Variants in ZFR2 observed in about 807,000 individuals in gnomAD.
ZFR2 encodes zinc finger RNA binding protein 2.
ZFR2 carries 104 observed loss-of-function variants against 105.7 expected under a neutral mutation model. That is an observed-to-expected ratio of 0.98 (90% confidence interval 0.84 to 1.16). The LOEUF (loss-of-function observed/expected upper bound fraction) is 1.16, where lower values mean the gene tolerates loss of function less well. Ranked by LOEUF, ZFR2 falls within the 50% of genes most tolerant of loss-of-function variation. The pLI is 0.00. For synonymous variants in ZFR2, 634 were observed against 597.7 expected, an observed-to-expected ratio of 1.06 and a Z score of -0.89; for missense variants, 1,425 against 1,355.5, an observed-to-expected ratio of 1.05 and a Z score of -0.80.
chr19:3,809,409 G>C (rs1224368178), intron 16 of ZFR2, among the ~76,000 whole-genome samples: 2 of 152,142 alleles, frequency 1.3e-5, no homozygotes, highest in Non-Finnish European at 2.9e-5. Context: ...CGCCTCAGCT[G>C]AGGGGAAGGA....
chr19:3,858,822 A>C lies in ZFR2; in HGVS notation c.53+10143T>G, dbSNP rs2038337465. Among the ~76,000 whole-genome samples, 1 of 152,258 alleles carries C rather than the reference A, an allele frequency of 6.6e-6. No homozygotes were observed. Among genetic ancestry groups the C allele is most frequent in the African/African-American group, 2.4e-5 (1 of 41,468 alleles). ...GACAGAGTGAGACTCCGTCTCAAAA[A>C]GAAAAAACTAAAATAATTAAAAACA... On this transcript the variant is annotated intron_variant, in intron 1 of 18. Coordinates refer to ENST00000262961, the MANE Select transcript of ZFR2 (RefSeq NM_015174.2). The surrounding 1 kb of genome is among the most constrained non-coding windows in gnomAD (Gnocchi z 4.3).
chr19:3,852,231 C>T, intron 1 of ZFR2: 1 of 539,088 alleles, frequency 1.9e-6, no homozygotes, highest in South Asian at 2.1e-5. Context: ...AGAGGTGGGG[C>T]TCAGCTGGAT....
chr19:3,845,054 G>T (rs1320575509), intron 1 of ZFR2, among the ~76,000 whole-genome samples: 3 of 152,144 alleles, frequency 2.0e-5, no homozygotes, highest in African/African-American at 4.8e-5. Flanking sequence ...CTAGATCCAG[G>T]TGTCAGCAGG....
rs903573156 is a variant in ZFR2 at position 3,823,604 on chromosome 19, C to T, written c.1214-201G>A. Among the ~76,000 whole-genome samples, 1 of 152,110 alleles carries T rather than the reference C, an allele frequency of 6.6e-6. No individual in the cohort carries two copies. Among genetic ancestry groups the T allele is most frequent in the Admixed American group, 6.6e-5 (1 of 15,266 alleles). ...CCTGCGTGTGACCCAGCCAAGAAAC[C>T]GAGGCCAATTTCAATCCATCCGGGG... On this transcript the variant is annotated intron_variant, in intron 7 of 18. Transcript: ENST00000262961. This position sits in a 1 kb window ranked among gnomAD's most constrained non-coding sequence, Gnocchi z 5.4.
intron 1 of ZFR2, among the ~76,000 whole-genome samples, chr19:3,864,727 T>C (rs2038411048): frequency 6.6e-6 from 1 of 151,978 alleles, no homozygotes. Context: ...TTTTCTTTTC[T>C]CTCTTCTCTT....
chr19:3,834,697 G>T lies in ZFR2; in HGVS notation c.264+76C>A. On this transcript the variant is annotated intron_variant, in intron 2 of 18. Transcript: ENST00000262961. The surrounding 1 kb of genome is among the most constrained non-coding windows in gnomAD (Gnocchi z 5.3). Reference sequence around the variant, plus strand: ...GAGGCCTGGGAGAAGGAGTAGCTGTGGGAAGCCCACCGCTCTCACCCATGC... The same window carrying T: ...GAGGCCTGGGAGAAGGAGTAGCTGTTGGAAGCCCACCGCTCTCACCCATGC... 1.4e-6 allele frequency: 2 copies of T among 1,449,198 alleles called. No homozygotes were observed. Among genetic ancestry groups the T allele is most frequent in the Non-Finnish European group, 9.5e-7 (1 of 1,053,696 alleles). 89.8% of individuals were successfully genotyped at this position (1,449,198 alleles called of 1,614,324 possible). A position where few individuals can be genotyped will look rare whatever the true frequency, so the allele number is the denominator to read the frequency against.
rs909952407 is a variant in ZFR2, at chr19:3,858,195, G to A, written c.53+10770C>T. On this transcript the variant is annotated intron_variant, in intron 1 of 18. Transcript: ENST00000262961. The surrounding 1 kb of genome is among the most constrained non-coding windows in gnomAD (Gnocchi z 4.3). The stretch of plus-strand genomic sequence containing the variant: ...GAATGGGCCCATCTGAGCTGCCCAC[G>A]TCACCTGGCCCAGAGCTCTTTCTGT... Among the ~76,000 whole-genome samples the A allele has an allele frequency of 1.3e-5, 2 of 152,128 alleles. No individual in the cohort carries two copies. Among genetic ancestry groups the A allele is most frequent in the South Asian group, 2.1e-4 (1 of 4,834 alleles).
chr19:3,860,974 G>A (rs559610797), intron 1 of ZFR2, among the ~76,000 whole-genome samples: 1 of 152,160 alleles, frequency 6.6e-6, no homozygotes, highest in South Asian at 2.1e-4. Context: ...CTCAACCAAC[G>A]ACACTCAAAA....
At chr19:3,832,807 T>C (rs1341055346) in intron 3 of ZFR2, among the ~76,000 whole-genome samples, 2 of 151,726 alleles carry the variant, frequency 1.3e-5, no homozygotes, top group African/African-American at 4.8e-5. Context: ...GGCTAATTTT[T>C]TTGCATTTTT....
chr19:3,864,135 A>G (rs1178189380), intron 1 of ZFR2, among the ~76,000 whole-genome samples: 2 of 152,170 alleles, frequency 1.3e-5, no homozygotes, highest in African/African-American at 4.8e-5. Flanking sequence ...CTGTAATCCC[A>G]GCACTTTAGG....
At position 3,822,543 on chromosome 19, in the gene ZFR2, C is replaced by CA. The variant is rs1229095059; in HGVS notation, c.1372-344dup. Among the ~76,000 whole-genome samples the CA allele has an allele frequency of 3.3e-5, 5 of 151,128 alleles. No homozygotes were observed. In the East Asian group the frequency reaches 5.9e-4, roughly 18 times the overall value. On this transcript the variant is annotated intron_variant, in intron 8 of 18. Coordinates refer to ENST00000262961, the MANE Select transcript of ZFR2 (RefSeq NM_015174.2). ...CAACATAGCGAGACCCCCATCTCTA[C>CA]AAAAAAAATAAAAAATACAAAAATT...
chr19:3,810,657 G>A, intron 16 of ZFR2, 93 bp downstream of exon 16: 1 of 1,258,970 alleles, frequency 7.9e-7, no homozygotes, highest in Non-Finnish European at 1.1e-6. Context: ...GCTCCTTCGA[G>A]GGAAAAGGTC....
At chr19:3,860,229 G>C (rs538669247) in intron 1 of ZFR2, among the ~76,000 whole-genome samples, 13 of 150,850 alleles carry the variant, frequency 8.6e-5, no homozygotes, top group African/African-American at 1.2e-4. Context: ...GAGATGGGGG[G>C]GGTCTCACTA....
rs2038163481 is a variant in ZFR2 at position 3,844,022 on chromosome 19, G to GGC, written c.54-9040_54-9039insGC. On this transcript the variant is annotated intron_variant, in intron 1 of 18. Coordinates refer to ENST00000262961, the MANE Select transcript of ZFR2 (RefSeq NM_015174.2). ...GACAGAAAGTAGGATGTGGGGGGGG[G>GGC]GGTGCCAGGGACCGGGGAGGGGAAG... Among the ~76,000 whole-genome samples, 3 of 148,026 alleles carry GGC rather than the reference G, an allele frequency of 2.0e-5. No homozygotes were observed. In the Admixed American group the frequency reaches 2.1e-4, roughly 10 times the overall value.
At chr19:3,840,593 G>A (rs978946873) in intron 1 of ZFR2, among the ~76,000 whole-genome samples, 4 of 152,056 alleles carry the variant, frequency 2.6e-5, no homozygotes, top group African/African-American at 9.7e-5. Context: ...GTAGTGACGT[G>A]ATCATAGCTC....
chr19:3,827,752 G>A, intron 5 of ZFR2, 99 bp from the exon 6 acceptor site: 1 of 1,368,614 alleles, frequency 7.3e-7, no homozygotes, highest in Non-Finnish European at 1.0e-6. Flanking sequence ...GAACTCGGTG[G>A]TAACAGAGGC....
chr19:3,816,982 AC>A, intron 12 of ZFR2, 137 bp from the exon 13 acceptor site: 2 of 790,456 alleles, frequency 2.5e-6, no homozygotes, highest in Non-Finnish European at 3.9e-6. Flanking sequence ...ATGAAATGGG[AC>A]CAGGCCGCTC....
chr19:3,832,019 TG>T, intron 3 of ZFR2, 141 bp from the exon 4 acceptor site: 1 of 626,854 alleles, frequency 1.6e-6, no homozygotes, highest in Non-Finnish European at 2.5e-6. Context: ...GGCCAGGTGC[TG>T]GCAGCGACTC....
In ZFR2 at chr19:3,805,997, G is replaced by A. The variant is rs112638801; in HGVS notation, c.2772C>T (p.Gly924=). The change falls in exon 19 of 19, where the codon GGC becomes GGT. Residue 924 remains glycine, a synonymous_variant. Coordinates refer to ENST00000262961, the MANE Select transcript of ZFR2 (RefSeq NM_015174.2). Reference sequence around the variant, plus strand: ...GCCGGCCCCGCTTCTTCTCCCCTGCGCCCTCCTCTCCCTCGCCAGGTCCCC... The same window carrying A: ...GCCGGCCCCGCTTCTTCTCCCCTGCACCCTCCTCTCCCTCGCCAGGTCCCC... ...RQRGPGEGEE[G]AGEKKRGRRG... The A allele has an allele frequency of 2.1e-4, 328 of 1,545,290 alleles. No homozygotes were observed. The African/African-American group carries it at 3.7e-3, about 17-fold the overall frequency.
Sources: gnomAD v4.1 joint callset for allele counts (sites outside exome capture counted in the v4.1 genomes callset) on GRCh38, gnomAD v4.1.1 for gene constraint, Gnocchi (gnomAD v3.1) non-coding constraint, MANE v1.5 for transcripts, NCBI Gene and HGNC (gene_info 2026-07-23, HGNC 2026-07-21) for gene names.